Variants in POLDIP2 observed in about 807,000 individuals in gnomAD.
POLDIP2 encodes polymerase delta-interacting protein 2.
Under a neutral mutation model 52.9 loss-of-function variants are expected in POLDIP2, and 32 were observed. The ratio of observed to expected loss-of-function variants is 0.61; its 90% CI spans 0.46 to 0.81. The LOEUF (loss-of-function observed/expected upper bound fraction) is 0.81. Among genes scored for constraint, POLDIP2 ranks in the 40% least tolerant of loss-of-function variants. POLDIP2 has a pLI of 0.00. For synonymous variants in POLDIP2, 183 were observed against 183.0 expected, an observed-to-expected ratio of 1.00 and a Z score of 0.00; for missense variants, 371 against 477.3, an observed-to-expected ratio of 0.78 and a Z score of 2.07.
intron 5 of POLDIP2, 77 bp from the exon 6 acceptor site, chr17:28,353,096 G>A: frequency 1.3e-6 from 1 of 761,296 alleles, no homozygotes; most frequent in Non-Finnish European, 2.4e-6. Context: ...AACATTAACT[G>A]GCCTTGTTCC....
intron 5 of POLDIP2, 110 bp downstream of exon 5, chr17:28,353,131 A>T (rs1293762380): frequency 5.3e-6 from 4 of 750,384 alleles, no homozygotes; most frequent in Non-Finnish European, 9.7e-6. Context: ...CTGATATCAT[A>T]CCTCTCAGCA....
rs11314852 is a variant in POLDIP2 at position 28,357,257 on chromosome 17, GT to G, written c.161+30del. 1,553,415 of 1,553,430 alleles carry G rather than the reference GT, an allele frequency of 1. 776,700 individuals carry two copies. The highest frequency in any genetic ancestry group is 1 in the Middle Eastern group (4,918 of 4,918). On this transcript the variant is annotated intron_variant, in intron 1 of 10. Transcript: ENST00000540200. Reference sequence around the variant, plus strand: ...ACACGCTCTCTGGGCTCCAGGCCCAGTTCCTCGCGCCCCCTGGCTCCGTCCC... The same window carrying G: ...ACACGCTCTCTGGGCTCCAGGCCCAGTCCTCGCGCCCCCTGGCTCCGTCCC...
At position 28,350,526 on chromosome 17, in the gene POLDIP2, T is replaced by C. The variant is rs782603662; in HGVS notation, c.824A>G (p.Asp275Gly). The change falls in exon 9 of 11, where the codon GAT becomes GGT. Residue 275 changes from aspartate (D) to glycine (G), a missense_variant. Physicochemically the swap from Asp to Gly is moderately conservative, Grantham distance 94. Transcript: ENST00000540200. ...YCIRLENLDS[D>G]VVQLRERHWR... ...GTGCCGCTCCCGGAGCTGTACCACA[T>C]CACTGTCAAGGTTCTCCAAACGGAT... 1.9e-6 allele frequency: 3 copies of C among 1,613,794 alleles called. No homozygotes were observed. Among genetic ancestry groups the C allele is most frequent in the Admixed American group, 1.7e-5 (1 of 60,004 alleles).
chr17:28,357,190 C>A (rs1908080670), intron 1 of POLDIP2, 98 bp downstream of exon 1: 3 of 1,145,574 alleles, frequency 2.6e-6, no homozygotes, highest in South Asian at 1.6e-5. Context: ...ACTCCAGTCA[C>A]CCTCAGCAGG....
chr17:28,352,818 C>G, intron 6 of POLDIP2, 94 bp downstream of exon 6: 2 of 745,124 alleles, frequency 2.7e-6, no homozygotes, highest in Non-Finnish European at 4.6e-6. Flanking sequence ...GGATTACAGG[C>G]GTGAGCCACC....
Position 28,357,485 on chromosome 17 carries a change from G to A in POLDIP2, c.-37C>T, listed in dbSNP as rs1188892188. The stretch of plus-strand genomic sequence containing the variant: ...GCGCCCGCCCGGCTGCTGACACAGA[G>A]CCCGACCCGCGGCCGGGCGGCGTTC... On this transcript the variant is annotated 5_prime_UTR_variant, in exon 1 of 11. Transcript: ENST00000540200. 2.1e-6 allele frequency: 3 copies of A among 1,433,616 alleles called. No individual in the cohort carries two copies. Among genetic ancestry groups the A allele is most frequent in the Middle Eastern group, 2.6e-4 (1 of 3,890 alleles). The allele number at this position is 1,433,616 out of a possible 1,614,324, so 88.8% of individuals were successfully genotyped here. A position where few individuals can be genotyped will look rare whatever the true frequency, so the allele number is the denominator to read the frequency against.
rs143265731 is a variant in POLDIP2, at chr17:28,347,891, C to G, written c.*226G>C. On this transcript the variant is annotated 3_prime_UTR_variant, in exon 11 of 11. Transcript: ENST00000540200. ...CACAGTTCCTTGGTGGAGAGGTTTA[C>G]TGGAACATGGTGTAGGCAGGGCTTA... The G allele has an allele frequency of 3.7e-4, 195 of 522,672 alleles. No homozygotes were observed. The highest frequency in any genetic ancestry group is 3.4e-3 in the African/African-American group (175 of 51,682). The allele number at this position is 522,672 out of a possible 1,614,324, so 32.4% of individuals were successfully genotyped here. A position where few individuals can be genotyped will look rare whatever the true frequency, so the allele number is the denominator to read the frequency against.
chr17:28,350,936 T>A (rs1161188565), intron 7 of POLDIP2, 144 bp from the exon 8 acceptor site: 1 of 729,416 alleles, frequency 1.4e-6, no homozygotes, highest in Non-Finnish European at 2.4e-6. Context: ...GGGTGATAGC[T>A]GAACCATGGC....
Position 28,357,486 on chromosome 17 carries a change from C to G in POLDIP2, c.-38G>C. The G allele has an allele frequency of 7.0e-7, 1 of 1,433,764 alleles. No homozygotes were observed. Among genetic ancestry groups the G allele is most frequent in the Non-Finnish European group, 9.0e-7 (1 of 1,105,228 alleles). The allele number at this position is 1,433,764 out of a possible 1,614,324, so 88.8% of individuals were successfully genotyped here. On this transcript the variant is annotated 5_prime_UTR_variant, in exon 1 of 11. Coordinates refer to ENST00000540200, the MANE Select transcript of POLDIP2 (RefSeq NM_015584.5). ...CGCCCGCCCGGCTGCTGACACAGAG[C>G]CCGACCCGCGGCCGGGCGGCGTTCC...
intron 1 of POLDIP2, 36 bp downstream of exon 1, chr17:28,357,252 G>A (rs1555581093): frequency 1.4e-6 from 2 of 1,393,308 alleles, no homozygotes; most frequent in South Asian, 2.5e-5. Flanking sequence ...TGGGCTCCAG[G>A]CCCAGTTCCT....
intron 10 of POLDIP2, 104 bp downstream of exon 10, chr17:28,348,978 TA>T: frequency 1.4e-6 from 1 of 703,378 alleles, no homozygotes; most frequent in Non-Finnish European, 2.4e-6. Context: ...TCTAAGAATG[TA>T]ACTTGGCCCA....
chr17:28,353,658 G>C, intron 4 of POLDIP2, 37 bp downstream of exon 4: 3 of 1,415,342 alleles, frequency 2.1e-6, no homozygotes, highest in Non-Finnish European at 3.0e-6. Flanking sequence ...ACTTTCCATG[G>C]AGAGGACCCC....
At chr17:28,350,649 A>G in intron 8 of POLDIP2, 86 bp from the exon 9 acceptor site, 16 of 1,562,946 alleles carry the variant, frequency 1.0e-5, no homozygotes, top group Non-Finnish European at 1.4e-5. Context: ...AAAGTCAACA[A>G]AGCTGACACA....
rs34108350 is a variant in POLDIP2, at chr17:28,349,157, T to C, written c.918A>G (p.Pro306=). Residue 306 remains proline (P), a synonymous_variant, in exon 10 of 11, where the codon CCA becomes CCG. Transcript: ENST00000540200. ...VRGRGVVGRE[P]VLSKEQPAFQ... is the part of the protein sequence containing the mutation. ...ACGCAGGCTGCTCCTTGGATAACAC[T>C]GGTTCCTGTAAAGGTTTAGGCAAAA... 1,798 of 1,612,602 alleles carry C rather than the reference T, an allele frequency of 1.1e-3. 26 individuals are homozygous for C. The African/African-American group carries it at 0.022, about 19-fold the overall frequency.
chr17:28,351,831 T>G, intron 6 of POLDIP2, 31 bp from the exon 7 acceptor site: 1 of 1,605,154 alleles, frequency 6.2e-7, no homozygotes. Context: ...TTAGTCCAAT[T>G]GTGTGTTGTG....
chr17:28,351,756 T>C lies in POLDIP2; in HGVS notation c.667A>G (p.Lys223Glu). The change falls in exon 7 of 11, where the codon AAG becomes GAG. Residue 223 changes from lysine (K) to glutamate (E), a missense_variant. Lys to Glu is a moderately conservative substitution (Grantham distance 56). Transcript: ENST00000540200. Reference sequence around the variant, plus strand: ...GAGAGCTCCAGCCAGGGGTGATTCTTCTCTTGCCAGGCCCTTAGCGTCTCC... The same window carrying C: ...GAGAGCTCCAGCCAGGGGTGATTCTCCTCTTGCCAGGCCCTTAGCGTCTCC... ...ARETLRAWQE[K>E]NHPWLELSDV... 1 of 1,613,704 alleles carries C rather than the reference T, an allele frequency of 6.2e-7. No individual in the cohort carries two copies. The highest frequency in any genetic ancestry group is 8.5e-7 in the Non-Finnish European group (1 of 1,179,670).
At position 28,350,543 on chromosome 17, in the gene POLDIP2, C is replaced by T. The variant is rs1262749286; in HGVS notation, c.807G>A (p.Leu269=). The change falls in exon 9 of 11, where the codon TTG becomes TTA. Residue 269 remains leucine (L), a synonymous_variant. Transcript: ENST00000540200. Reference sequence around the variant, plus strand: ...GTACCACATCACTGTCAAGGTTCTCCAAACGGATACAGTAGCGCCACTGAG... The same window carrying T: ...GTACCACATCACTGTCAAGGTTCTCTAAACGGATACAGTAGCGCCACTGAG... ...HVYWWRYCIR[L]ENLDSDVVQL... is the part of the protein sequence containing the mutation. 2 of 1,613,606 alleles carry T rather than the reference C, an allele frequency of 1.2e-6. No homozygotes were observed. Among genetic ancestry groups the T allele is most frequent in the Non-Finnish European group, 8.5e-7 (1 of 1,179,816 alleles).
At chr17:28,353,388 G>A (rs1555580387) in intron 4 of POLDIP2, 72 bp from the exon 5 acceptor site, 2 of 795,924 alleles carry the variant, frequency 2.5e-6, no homozygotes, top group East Asian at 2.7e-5. Context: ...CTGGTGTGGT[G>A]GCAGATGCCT....
chr17:28,353,652 T>C lies in POLDIP2; in HGVS notation c.438+43A>G, dbSNP rs782424258. On this transcript the variant is annotated intron_variant, in intron 4 of 10. Coordinates refer to ENST00000540200, the MANE Select transcript of POLDIP2 (RefSeq NM_015584.5). ...TTGTCCCCATTGGGATGCAGGACTT[T>C]CCATGGAGAGGACCCCCAAGCCCAG... 5 of 1,370,024 alleles carry C rather than the reference T, an allele frequency of 3.6e-6. No individual in the cohort carries two copies. In the Admixed American group the frequency reaches 5.0e-5, roughly 14 times the overall value. The allele number at this position is 1,370,024 out of a possible 1,614,324, so 84.9% of individuals were successfully genotyped here.
Sources: allele counts gnomAD v4.1 joint callset, GRCh38; gene constraint gnomAD v4.1.1; transcripts MANE v1.5; gene names NCBI Gene and HGNC (gene_info 2026-07-23, HGNC 2026-07-21).